WIPF3: variants seen among roughly 807,000 people sequenced by gnomAD.
The protein encoded by WIPF3 is WAS/WASL-interacting protein family member 3.
A neutral mutation model predicts 38.9 loss-of-function variants in WIPF3; 33 were observed. The observed-to-expected ratio is 0.85, with a 90% CI of 0.64 to 1.14. The LOEUF (loss-of-function observed/expected upper bound fraction) is 1.14, where lower values mean the gene tolerates loss of function less well. Among genes scored for constraint, WIPF3 ranks in the 50% most tolerant of loss-of-function variants. WIPF3 has a pLI of 0.00. For missense variants in WIPF3, 711 were observed against 652.5 expected, an observed-to-expected ratio of 1.09 and a Z score of -0.98; for synonymous variants, 324 against 269.3, an observed-to-expected ratio of 1.20 and a Z score of -1.99.
At chr7:29,836,627 G>T (rs538993315) in intron 2 of WIPF3, among the ~76,000 whole-genome samples, 1 of 152,276 alleles carries the variant, frequency 6.6e-6, no homozygotes, top group East Asian at 1.9e-4. Context: ...AATGGCTTAC[G>T]AGAACTAAAT....
chr7:29,882,184 A>G lies in WIPF3; in HGVS notation c.356-1666A>G, dbSNP rs188162067. ...ACTGACTCACTTTAAGGGTTTTTGA[A>G]TCTCTGAGACATGGTGTCCTCAGTT... On this transcript the variant is annotated intron_variant, in intron 4 of 8. Coordinates refer to ENST00000242140, the MANE Select transcript of WIPF3 (RefSeq NM_001080529.3). 1.3e-3 allele frequency among the ~76,000 whole-genome samples: 192 copies of G among 152,296 alleles called. 1 individual carries two copies. Among genetic ancestry groups the G allele is most frequent in the Non-Finnish European group, 2.0e-3 (133 of 68,036 alleles).
chr7:29,912,078 A>G (rs563024374), intron 8 of WIPF3, among the ~76,000 whole-genome samples: 1 of 152,342 alleles, frequency 6.6e-6, no homozygotes, highest in Admixed American at 6.5e-5. Flanking sequence ...ATAAAACTCA[A>G]CAAGAAAACA....
intron 1 of WIPF3, among the ~76,000 whole-genome samples, chr7:29,821,074 T>A (rs560702901): frequency 6.6e-6 from 1 of 152,296 alleles, no homozygotes; most frequent in South Asian, 2.1e-4. Flanking sequence ...TAGCTGACAT[T>A]TTTCCTACAG....
chr7:29,854,207 A>G (rs1349012842), intron 2 of WIPF3, among the ~76,000 whole-genome samples: 1 of 152,204 alleles, frequency 6.6e-6, no homozygotes, highest in Admixed American at 6.5e-5. Flanking sequence ...TACACAGCCT[A>G]GCCACCTGCT....
At chr7:29,834,244 A>T (rs1257468652) in intron 1 of WIPF3, among the ~76,000 whole-genome samples, 3 of 152,212 alleles carry the variant, frequency 2.0e-5, no homozygotes, top group African/African-American at 7.2e-5. Context: ...GTTACATTTC[A>T]TTCTGTTTGC....
intron 2 of WIPF3, among the ~76,000 whole-genome samples, chr7:29,837,260 G>T (rs1168910523): frequency 6.6e-6 from 1 of 151,180 alleles, no homozygotes; most frequent in African/African-American, 2.4e-5. Flanking sequence ...GGAGGCTGAG[G>T]CAGGAGAATG....
At chr7:29,868,459 A>G (rs1200262823) in intron 2 of WIPF3, among the ~76,000 whole-genome samples, 1 of 152,048 alleles carries the variant, frequency 6.6e-6, no homozygotes, top group Non-Finnish European at 1.5e-5. Flanking sequence ...AAGAGAGATG[A>G]GAGTCCAATT....
At chr7:29,816,432 G>GTA (rs1429497039) in intron 1 of WIPF3, among the ~76,000 whole-genome samples, 1 of 152,110 alleles carries the variant, frequency 6.6e-6, no homozygotes, top group African/African-American at 2.4e-5. Context: ...CTGAGCTCAA[G>GTA]CCTCAGCCTC....
chr7:29,840,433 G>T (rs1276213832), intron 2 of WIPF3, among the ~76,000 whole-genome samples: 1 of 152,172 alleles, frequency 6.6e-6, no homozygotes, highest in Non-Finnish European at 1.5e-5. Flanking sequence ...CCCCACTTCA[G>T]AGCAGGTAGT....
At chr7:29,898,666 T>G (rs1267410379) in intron 7 of WIPF3, among the ~76,000 whole-genome samples, 1 of 152,184 alleles carries the variant, frequency 6.6e-6, no homozygotes, top group African/African-American at 2.4e-5. Context: ...ACATTCCAAG[T>G]ACACATTTGT....
intron 8 of WIPF3, among the ~76,000 whole-genome samples, chr7:29,909,062 A>C (rs12701000): frequency 0.48 from 72,190 of 151,934 alleles, 18,734 homozygotes; most frequent in East Asian, 0.78. Flanking sequence ...GGATCAAAGA[A>C]TAAATCAGAA....
chr7:29,835,305 G>A (rs1044085634), intron 2 of WIPF3, among the ~76,000 whole-genome samples: 2 of 152,070 alleles, frequency 1.3e-5, no homozygotes, highest in African/African-American at 2.4e-5. Context: ...AGACTGAATC[G>A]AGGCTATTTC....
At chr7:29,890,983 G>GC (rs1786003565) in intron 7 of WIPF3, among the ~76,000 whole-genome samples, 1 of 99,822 alleles carries the variant, frequency 1.0e-5, no homozygotes, top group Admixed American at 9.7e-5. Flanking sequence ...TGGAGGGGGC[G>GC]AGGGCCTGCC....
chr7:29,858,311 C>T (rs1485931502), intron 2 of WIPF3, among the ~76,000 whole-genome samples: 3 of 152,168 alleles, frequency 2.0e-5, no homozygotes, highest in Admixed American at 2.0e-4. Context: ...AGGCTGTAGC[C>T]TCTTCCATAG....
chr7:29,862,240 A>T lies in WIPF3; in HGVS notation c.91-13590A>T, dbSNP rs1224571069. 2.0e-5 allele frequency among the ~76,000 whole-genome samples: 3 copies of T among 152,112 alleles called. No homozygotes were observed. The East Asian group carries it at 5.8e-4, about 29-fold the overall frequency. ...CTGTGAAGGCCTCACACACACACAA[A>T]CTAGACCATTAGACAACTCAGCTTG... is the stretch of plus-strand genomic sequence containing the variant. On this transcript the variant is annotated intron_variant, in intron 2 of 8. Coordinates refer to ENST00000242140, the MANE Select transcript of WIPF3 (RefSeq NM_001080529.3).
At position 29,828,372 on chromosome 7, in the gene WIPF3, G is replaced by A. The variant is rs1784658016; in HGVS notation, c.-57-6296G>A. Among the ~76,000 whole-genome samples the A allele has an allele frequency of 1.3e-5, 2 of 152,136 alleles. 1 individual carries two copies. Among genetic ancestry groups the A allele is most frequent in the South Asian group, 4.1e-4 (2 of 4,820 alleles). On this transcript the variant is annotated intron_variant, in intron 1 of 8. Transcript: ENST00000242140. ...ACTTCTGAATGAGTACAGACAGGCT[G>A]AACATGTAGGGAAAGAAAGGGATCA...
chr7:29,819,135 T>C (rs968509165), intron 1 of WIPF3, among the ~76,000 whole-genome samples: 10 of 152,114 alleles, frequency 6.6e-5, no homozygotes, highest in African/African-American at 2.4e-4. Context: ...TTCTTAGAGG[T>C]TGGGCAGAAT....
At chr7:29,912,422 C>A (rs1264041073) in intron 8 of WIPF3, 2 of 153,354 alleles carry the variant, frequency 1.3e-5, no homozygotes, top group African/African-American at 4.8e-5. Flanking sequence ...ACTTCCACTT[C>A]TGCGTATATA....
rs1785825104 is a variant in WIPF3 at position 29,884,503 on chromosome 7, C to T, written c.1009C>T (p.Pro337Ser). The T allele has an allele frequency of 6.3e-7, 1 of 1,576,508 alleles. No individual in the cohort carries two copies. The highest frequency in any genetic ancestry group is 1.4e-5 in the African/African-American group (1 of 73,714). ...TAAATCCCCCAGCTTCCAGGCCCCA[C>T]CGCAGAAGGCCGGTGCGCAGGCCTT... is the stretch of plus-strand genomic sequence containing the variant. The part of the protein sequence containing the change: ...PPKSPSFQAP[P>S]QKAGAQALPA... Residue 337 changes from proline (P) to serine (S), a missense_variant, in exon 5 of 9, where the codon CCG becomes TCG. By Grantham distance (74) the Pro-to-Ser change is moderately conservative (BLOSUM62 -1). Coordinates refer to ENST00000242140, the MANE Select transcript of WIPF3 (RefSeq NM_001080529.3).
Sources: allele counts gnomAD v4.1 joint callset (sites outside exome capture counted in the v4.1 genomes callset), GRCh38; gene constraint gnomAD v4.1.1; transcripts MANE v1.5; gene names NCBI Gene and HGNC (gene_info 2026-07-23, HGNC 2026-07-21).